SSBP3: variants seen among roughly 807,000 people sequenced by gnomAD.
SSBP3 encodes single stranded DNA binding protein 3.
A neutral mutation model predicts 69.6 loss-of-function variants in SSBP3; 5 were observed. That is an observed-to-expected ratio of 0.07 (90% CI 0.04 to 0.15). The LOEUF is 0.15. Among genes scored for constraint, SSBP3 ranks in the 10% least tolerant of loss-of-function variants. SSBP3 has a pLI of 1.00. For missense variants in SSBP3, 312 were observed against 534.0 expected (o/e 0.58, Z 4.10); for synonymous variants, 196 against 193.4 (o/e 1.01, Z -0.11).
At chr1:54,298,646 G>A (rs1443517534) in intron 4 of SSBP3, among the ~76,000 whole-genome samples, 1 of 152,130 alleles carries the variant, frequency 6.6e-6, no homozygotes, top group Non-Finnish European at 1.5e-5. Flanking sequence ...GGGGTGTGGT[G>A]TGGGGCCCAA....
intron 7 of SSBP3, among the ~76,000 whole-genome samples, chr1:54,256,536 A>T (rs903346258): frequency 2.0e-5 from 3 of 152,038 alleles, no homozygotes; most frequent in Admixed American, 6.6e-5. Flanking sequence ...CCCTCCCCGT[A>T]ATCAGACCCC....
Position 54,309,686 on chromosome 1 carries a change from G to C in SSBP3, c.277-28159C>G, listed in dbSNP as rs1261721030. Among the ~76,000 whole-genome samples the C allele has an allele frequency of 2.0e-5, 3 of 152,152 alleles. No homozygotes were observed. The East Asian group carries it at 5.8e-4, about 29-fold the overall frequency. ...CTGAAAAATCCCTAACTCCCCGGTTGCCCTGTACTCAGAAATAACCAAAAG... is the reference window on the plus strand; with the variant it reads ...CTGAAAAATCCCTAACTCCCCGGTTCCCCTGTACTCAGAAATAACCAAAAG... On this transcript the variant is annotated intron_variant, in intron 4 of 17. Coordinates refer to ENST00000610401, the Ensembl canonical transcript of SSBP3.
intron 11 of SSBP3, among the ~76,000 whole-genome samples, chr1:54,241,751 A>G (rs1185935286): frequency 6.6e-6 from 1 of 152,228 alleles, no homozygotes; most frequent in Non-Finnish European, 1.5e-5. Flanking sequence ...CCACAGACAC[A>G]GGGAGGACAT....
chr1:54,289,063 A>G lies in SSBP3; in HGVS notation c.277-7536T>C, dbSNP rs555422010. Among the ~76,000 whole-genome samples, 6 of 124,864 alleles carry G rather than the reference A, an allele frequency of 4.8e-5. No individual in the cohort carries two copies. In the South Asian group the frequency reaches 1.5e-3, roughly 31 times the overall value. The allele number at this position is 124,864 out of a possible 152,430, so 81.9% of individuals were successfully genotyped here. A position where few individuals can be genotyped will look rare whatever the true frequency, so the allele number is the denominator to read the frequency against. On this transcript the variant is annotated intron_variant, in intron 4 of 17. Transcript: ENST00000610401. ...AAAAAAACAAAAAAAAAAAACAGTA[A>G]TGTCCCACTCACCCCTGTAGTTCCC... is the stretch of plus-strand genomic sequence containing the variant.
intron 4 of SSBP3, among the ~76,000 whole-genome samples, chr1:54,380,398 T>G (rs1333604026): frequency 6.6e-6 from 1 of 152,142 alleles, no homozygotes; most frequent in Non-Finnish European, 1.5e-5. Context: ...CAGGCCACAA[T>G]CGGCTTTGGA....
chr1:54,394,377 C>G (rs545896626), intron 4 of SSBP3, among the ~76,000 whole-genome samples: 16 of 152,226 alleles, frequency 1.1e-4, no homozygotes, highest in African/African-American at 3.6e-4. Context: ...TTACCTCCCC[C>G]CACTGCCCCC....
At chr1:54,398,687 C>T (rs1649068270) in intron 4 of SSBP3, among the ~76,000 whole-genome samples, 1 of 152,192 alleles carries the variant, frequency 6.6e-6, no homozygotes, top group African/African-American at 2.4e-5. Context: ...CTGAGGGTAA[C>T]AGCAAGGAAA....
chr1:54,358,109 C>T (rs558689942), intron 4 of SSBP3, among the ~76,000 whole-genome samples: 11 of 152,162 alleles, frequency 7.2e-5, no homozygotes, highest in Non-Finnish European at 1.3e-4. Context: ...AAGGAAGGAG[C>T]TTTTTCCATT....
At chr1:54,254,869 G>A (rs1438666871) in intron 7 of SSBP3, among the ~76,000 whole-genome samples, 1 of 151,948 alleles carries the variant, frequency 6.6e-6, no homozygotes, top group African/African-American at 2.4e-5. Context: ...GTCTCGCTCT[G>A]TCACCCAAGC....
intron 5 of SSBP3, among the ~76,000 whole-genome samples, chr1:54,263,753 C>G (rs1239861147): frequency 6.6e-6 from 1 of 152,246 alleles, no homozygotes; most frequent in Non-Finnish European, 1.5e-5. Flanking sequence ...CTCACCCCCA[C>G]AGGTACCTTG....
chr1:54,374,828 G>T (rs1176557407), intron 4 of SSBP3, among the ~76,000 whole-genome samples: 1 of 152,192 alleles, frequency 6.6e-6, no homozygotes, highest in African/African-American at 2.4e-5. Flanking sequence ...GACTTCCAGA[G>T]CATGAACTTG....
chr1:54,406,721 G>T (rs952514816), upstream of SSBP3, among the ~76,000 whole-genome samples: 1 of 151,998 alleles, frequency 6.6e-6, no homozygotes, highest in Non-Finnish European at 1.5e-5. Flanking sequence ...CGCTCCCCGC[G>T]GCGTGGACCA....
chr1:54,406,910 C>G (rs992658941), upstream of SSBP3, among the ~76,000 whole-genome samples: 6 of 151,710 alleles, frequency 4.0e-5, no homozygotes, highest in East Asian at 2.0e-4. Flanking sequence ...TTGTCCTCCC[C>G]CTAGGCTCCG....
chr1:54,407,326 C>G (rs1330932967), upstream of SSBP3, among the ~76,000 whole-genome samples: 3 of 152,074 alleles, frequency 2.0e-5, no homozygotes, highest in East Asian at 5.8e-4. Context: ...GCGGAATGCT[C>G]GCCACAGAAA....
chr1:54,400,194 A>G (rs1433882660), intron 4 of SSBP3, among the ~76,000 whole-genome samples: 1 of 152,230 alleles, frequency 6.6e-6, no homozygotes, highest in African/African-American at 2.4e-5. Context: ...AAATTTGTAG[A>G]GCACCGAACT....
intron 4 of SSBP3, among the ~76,000 whole-genome samples, chr1:54,306,655 TG>T (rs1329636548): frequency 6.6e-6 from 1 of 152,208 alleles, no homozygotes; most frequent in Non-Finnish European, 1.5e-5. Context: ...GAGCGCTTCG[TG>T]TGATTGCCTC....
At chr1:54,310,025 C>T (rs1287416616) in intron 4 of SSBP3, among the ~76,000 whole-genome samples, 1 of 152,194 alleles carries the variant, frequency 6.6e-6, no homozygotes, top group African/African-American at 2.4e-5. Context: ...TCCCTGCACA[C>T]TTCCAAGCCT....
intron 4 of SSBP3, among the ~76,000 whole-genome samples, chr1:54,320,191 G>A (rs1646187446): frequency 6.6e-6 from 1 of 152,192 alleles, no homozygotes; most frequent in African/African-American, 2.4e-5. Flanking sequence ...AAAAGTGAAA[G>A]GGAAGCCAGT....
At chr1:54,412,645 A>AATAC (rs1176764926) in intron 1 of SSBP3, 5 of 152,390 alleles carry the variant, frequency 3.3e-5, no homozygotes. Flanking sequence ...CAATAATGTG[A>AATAC]ATACACTCAA....
Sources: gnomAD v4.1 joint callset for allele counts (sites outside exome capture counted in the v4.1 genomes callset) on GRCh38, gnomAD v4.1.1 for gene constraint, MANE v1.5 for transcripts, NCBI Gene and HGNC (gene_info 2026-07-23, HGNC 2026-07-21) for gene names.